KPNA3: variants seen among roughly 807,000 people sequenced by gnomAD.
KPNA3 encodes the protein importin subunit alpha-4.
In KPNA3, 13 loss-of-function variants were observed where a neutral mutation model predicts 73.8. The observed-to-expected ratio is 0.18, with a 90% CI of 0.11 to 0.28. The LOEUF is 0.28. KPNA3 is among the 10% of genes least tolerant of loss of function. The probability of loss-of-function intolerance (pLI) is 1.00; values close to 1 mark genes in which losing one functional copy is unlikely to be tolerated. For synonymous variants in KPNA3, 186 were observed against 206.9 expected, an observed-to-expected ratio of 0.90 and a Z score of 0.87; for missense variants, 360 against 618.1, an observed-to-expected ratio of 0.58 and a Z score of 4.43.
At chr13:49,724,465 G>A (rs865973855) in intron 7 of KPNA3, among the ~76,000 whole-genome samples, 1 of 151,428 alleles carries the variant, frequency 6.6e-6, no homozygotes, top group African/African-American at 2.4e-5. Context: ...CACCATGCCC[G>A]GCTAATTTTG....
chr13:49,732,541 T>C, intron 5 of KPNA3, 64 bp downstream of exon 5: 2 of 1,449,218 alleles, frequency 1.4e-6, no homozygotes, highest in Non-Finnish European at 1.9e-6. Flanking sequence ...TATTAACTTC[T>C]AGACTACCAG....
rs921251525 is a variant in KPNA3 at position 49,726,491 on chromosome 13, C to T, written c.384-990G>A. ...CTGAAACTAACTAAGAAGCAAGTAACAGGGTGTTTGTGCATGTGTGTGTGT... is the reference window on the plus strand; with the variant it reads ...CTGAAACTAACTAAGAAGCAAGTAATAGGGTGTTTGTGCATGTGTGTGTGT... On this transcript the variant is annotated intron_variant, in intron 6 of 16. Coordinates refer to ENST00000261667, the MANE Select transcript of KPNA3 (RefSeq NM_002267.4). 5.9e-5 allele frequency among the ~76,000 whole-genome samples: 9 copies of T among 151,948 alleles called. 1 individual carries two copies. Among genetic ancestry groups the T allele is most frequent in the African/African-American group, 2.2e-4 (9 of 41,350 alleles).
At chr13:49,766,997 AT>A (rs199591606) in intron 1 of KPNA3, among the ~76,000 whole-genome samples, 15,326 of 118,224 alleles carry the variant, frequency 0.13, 681 homozygotes, top group African/African-American at 0.17. Flanking sequence ...TCAAGTTAGG[AT>A]TTTTTTTTTT....
chr13:49,738,950 T>A (rs1460582428), intron 2 of KPNA3, among the ~76,000 whole-genome samples: 1 of 152,220 alleles, frequency 6.6e-6, no homozygotes, highest in Non-Finnish European at 1.5e-5. Context: ...CACCATTAAG[T>A]GTGATGTTAG....
chr13:49,716,646 C>G (rs1421126237), intron 10 of KPNA3, among the ~76,000 whole-genome samples: 1 of 152,022 alleles, frequency 6.6e-6, no homozygotes, highest in African/African-American at 2.4e-5. Context: ...GCTATGTTGG[C>G]CAGGCTGGTC....
intron 1 of KPNA3, among the ~76,000 whole-genome samples, chr13:49,779,270 T>C (rs2075245571): frequency 6.6e-6 from 1 of 152,192 alleles, no homozygotes; most frequent in African/African-American, 2.4e-5. Context: ...AGCTGGGCCT[T>C]CATTCCTATA....
At chr13:49,745,577 C>T (rs1421498302) in intron 2 of KPNA3, among the ~76,000 whole-genome samples, 1 of 151,618 alleles carries the variant, frequency 6.6e-6, no homozygotes, top group East Asian at 2.0e-4. Context: ...AGGCTGGTCT[C>T]GAACTCTTGA....
chr13:49,763,897 C>G (rs1299730514), intron 1 of KPNA3, among the ~76,000 whole-genome samples: 1 of 152,094 alleles, frequency 6.6e-6, no homozygotes. Context: ...TGAGACATCT[C>G]TACAAAAAGA....
rs867016183 is a variant in KPNA3, at chr13:49,702,297, T to C, written c.1467+89A>G. The C allele has an allele frequency of 6.8e-5, 49 of 719,712 alleles. No homozygotes were observed. The Middle Eastern group carries it at 1.7e-3, about 25-fold the overall frequency. The allele number at this position is 719,712 out of a possible 1,614,324, so 44.6% of individuals were successfully genotyped here. A position where few individuals can be genotyped will look rare whatever the true frequency, so the allele number is the denominator to read the frequency against. ...AATACAGTACAAACTTATGTCATCC[T>C]AATAATAAAAGGAAAACTCTTAGTA... On this transcript the variant is annotated intron_variant, in intron 16 of 16. Coordinates refer to ENST00000261667, the MANE Select transcript of KPNA3 (RefSeq NM_002267.4).
intron 9 of KPNA3, among the ~76,000 whole-genome samples, chr13:49,720,747 AAAG>A (rs991624890): frequency 1.3e-5 from 2 of 151,906 alleles, no homozygotes; most frequent in East Asian, 1.9e-4. Context: ...AAAAAAAAAA[AAAG>A]AGATAACACA....
chr13:49,714,495 G>A (rs1220045215), intron 10 of KPNA3, among the ~76,000 whole-genome samples: 1 of 152,072 alleles, frequency 6.6e-6, no homozygotes, highest in Non-Finnish European at 1.5e-5. Context: ...TATAAAAACT[G>A]ACCTTCTTTA....
At chr13:49,712,600 C>T (rs983450414) in intron 10 of KPNA3, among the ~76,000 whole-genome samples, 2 of 151,250 alleles carry the variant, frequency 1.3e-5, no homozygotes, top group Admixed American at 1.3e-4. Context: ...AAAGGCGGAG[C>T]TGAAAAAAAT....
chr13:49,772,415 A>G (rs1305868787), intron 1 of KPNA3, among the ~76,000 whole-genome samples: 1 of 152,244 alleles, frequency 6.6e-6, no homozygotes, highest in Non-Finnish European at 1.5e-5. Context: ...CTGGCAAAAC[A>G]AAGTATTGGT....
At chr13:49,761,056 A>G (rs1954754684) in intron 1 of KPNA3, among the ~76,000 whole-genome samples, 1 of 152,258 alleles carries the variant, frequency 6.6e-6, no homozygotes, top group Non-Finnish European at 1.5e-5. Flanking sequence ...ACAAAAAAGT[A>G]GGACAAAAAC....
chr13:49,730,759 T>TCC (rs1280240884), intron 6 of KPNA3, among the ~76,000 whole-genome samples: 1 of 86,774 alleles, frequency 1.2e-5, no homozygotes, highest in Admixed American at 1.4e-4. Context: ...CCTAATGCTA[T>TCC]CCCTCCCCCC....
chr13:49,744,358 G>A (rs1954598877), intron 2 of KPNA3, among the ~76,000 whole-genome samples: 1 of 152,144 alleles, frequency 6.6e-6, no homozygotes, highest in South Asian at 2.1e-4. Flanking sequence ...AAGTATTGTT[G>A]TGTCCATAAA....
intron 1 of KPNA3, among the ~76,000 whole-genome samples, chr13:49,771,574 C>T (rs1264335860): frequency 6.6e-6 from 1 of 152,126 alleles, no homozygotes; most frequent in African/African-American, 2.4e-5. Flanking sequence ...TCCTCTGCAC[C>T]CAAGTAGCTG....
chr13:49,732,723 G>A (rs760106925), intron 4 of KPNA3, 24 bp downstream of exon 4: 21 of 1,582,840 alleles, frequency 1.3e-5, no homozygotes, highest in South Asian at 8.0e-5. Context: ...ACTTCAAAAC[G>A]AGAGTATTAA....
At chr13:49,788,738 TAAA>T (rs370220925) in intron 1 of KPNA3, among the ~76,000 whole-genome samples, 9,848 of 69,900 alleles carry the variant, frequency 0.14, 1,334 homozygotes, top group East Asian at 0.58. Context: ...TTTTTTTTTT[TAAA>T]AAAAAAAAGC....
Sources: gnomAD v4.1 joint callset for allele counts (sites outside exome capture counted in the v4.1 genomes callset) on GRCh38, gnomAD v4.1.1 for gene constraint, MANE v1.5 for transcripts, NCBI Gene and HGNC (gene_info 2026-07-23, HGNC 2026-07-21) for gene names.